The following IMPG1 variants were observed in gnomAD, a reference collection of about 807,000 sequenced individuals.
IMPG1 encodes interphotoreceptor matrix proteoglycan 1.
In IMPG1, 85 loss-of-function variants were observed where a neutral mutation model predicts 92.0. The observed-to-expected ratio is 0.92, with a 90% CI of 0.78 to 1.11. The LOEUF is 1.11. Among genes scored for constraint, IMPG1 ranks in the 50% least tolerant of loss-of-function variants. The probability of loss-of-function intolerance (pLI) is 0.00; values close to 1 mark genes in which losing one functional copy is unlikely to be tolerated. For missense variants in IMPG1, 1,022 were observed against 956.0 expected (o/e 1.07, Z -0.91); for synonymous variants, 367 against 334.1 (o/e 1.10, Z -1.08).
chr6:76,024,433 C>G (rs1397347511), intron 5 of IMPG1, among the ~76,000 whole-genome samples: 1 of 151,996 alleles, frequency 6.6e-6, no homozygotes, highest in Non-Finnish European at 1.5e-5. Context: ...TAGAAATATA[C>G]ATGAAAGAGA....
rs1270617353 is a variant in IMPG1, at chr6:76,022,177, T to C, written c.605A>G (p.Asp202Gly). ...GAGAATTTCATTGAGGAGGGTGTCATCAGGAGTGAGAGGGAAAGGCCCAAG... is the reference window on the plus strand; with the variant it reads ...GAGAATTTCATTGAGGAGGGTGTCACCAGGAGTGAGAGGGAAAGGCCCAAG... Reference protein sequence around the residue: ...VSLGPFPLTPDDTLLNEILDN... With the variant: ...VSLGPFPLTPGDTLLNEILDN... Residue 202 changes from aspartate to glycine, a missense_variant, in exon 6 of 17, where the codon GAT becomes GGT. Physicochemically the swap from Asp to Gly is moderately conservative, Grantham distance 94. Around this residue, in one of 3 missense-constraint regions of IMPG1, gnomAD observed 681 missense variants for 583.6 expected, o/e 1.17. Transcript: ENST00000369950. The C allele has an allele frequency of 1.9e-6, 3 of 1,597,678 alleles. No homozygotes were observed. Among genetic ancestry groups the C allele is most frequent in the African/African-American group, 2.7e-5 (2 of 74,384 alleles).
rs575934089 is a variant in IMPG1 at position 76,045,008 on chromosome 6, A to G, written c.68-2882T>C. Among the ~76,000 whole-genome samples the G allele has an allele frequency of 6.4e-4, 97 of 152,322 alleles. 2 individuals are homozygous for G. In the South Asian group the frequency reaches 0.012, roughly 18 times the overall value. Reference sequence around the variant, plus strand: ...CTTTTCCCTTTCCCCTACTAGGGTCAGTATTTCCCTATTCTCCACATGTCA... The same window carrying G: ...CTTTTCCCTTTCCCCTACTAGGGTCGGTATTTCCCTATTCTCCACATGTCA... On this transcript the variant is annotated intron_variant, in intron 1 of 16. Coordinates refer to ENST00000369950, the MANE Select transcript of IMPG1 (RefSeq NM_001563.4).
At chr6:76,071,081 C>T (rs1026805892) in intron 1 of IMPG1, among the ~76,000 whole-genome samples, 1 of 149,922 alleles carries the variant, frequency 6.7e-6, no homozygotes, top group Non-Finnish European at 1.5e-5. Context: ...TATTTCATTT[C>T]AATTCCTATA....
At chr6:76,066,141 G>C (rs375421807) in intron 1 of IMPG1, among the ~76,000 whole-genome samples, 1 of 152,052 alleles carries the variant, frequency 6.6e-6, no homozygotes, top group South Asian at 2.1e-4. Context: ...TACAATACAG[G>C]TGTTATAAAA....
At chr6:76,030,643 A>C (rs974422159) in intron 4 of IMPG1, among the ~76,000 whole-genome samples, 4 of 152,190 alleles carry the variant, frequency 2.6e-5, no homozygotes, top group African/African-American at 9.6e-5. Flanking sequence ...AAAAAGGGCC[A>C]TCAGACTCCA....
At chr6:76,050,194 C>T (rs771513456) in intron 1 of IMPG1, among the ~76,000 whole-genome samples, 32 of 152,248 alleles carry the variant, frequency 2.1e-4, no homozygotes, top group Non-Finnish European at 3.5e-4. Context: ...AATCCCAGCA[C>T]TTTGGGAGGC....
intron 12 of IMPG1, among the ~76,000 whole-genome samples, chr6:75,955,062 G>A (rs1435588323): frequency 6.6e-6 from 1 of 152,068 alleles, no homozygotes; most frequent in Non-Finnish European, 1.5e-5. Flanking sequence ...TTCCAGCTTT[G>A]TTCTTTTTGC....
Position 75,950,747 on chromosome 6 carries a change from A to G in IMPG1, c.1639T>C (p.Leu547=), listed in dbSNP as rs1292015420. The change falls in exon 13 of 17, where the codon TTG becomes CTG. Residue 547 remains leucine, a synonymous_variant. Transcript: ENST00000369950. The stretch of plus-strand genomic sequence containing the variant: ...GCTGAGACAGGAGTGGTATCCTCCA[A>G]GAAATGATCTGGGACAGAAACATAT... ...SEYVSVPDHF[L]EDTTPVSALQ... The G allele has an allele frequency of 6.2e-7, 1 of 1,614,018 alleles. No homozygotes were observed. Among genetic ancestry groups the G allele is most frequent in the Admixed American group, 1.7e-5 (1 of 59,970 alleles).
chr6:76,048,083 C>T (rs1783976391), intron 1 of IMPG1, among the ~76,000 whole-genome samples: 1 of 152,058 alleles, frequency 6.6e-6, no homozygotes, highest in Non-Finnish European at 1.5e-5. Flanking sequence ...ATCATTATTA[C>T]CTGGCTCTTG....
At chr6:76,063,577 C>T (rs1234466471) in intron 1 of IMPG1, among the ~76,000 whole-genome samples, 4 of 152,304 alleles carry the variant, frequency 2.6e-5, no homozygotes, top group African/African-American at 7.2e-5. Context: ...CACTAGTATA[C>T]CAGCATGTAC....
At chr6:75,984,580 G>A (rs1357879193) in intron 12 of IMPG1, among the ~76,000 whole-genome samples, 2 of 152,138 alleles carry the variant, frequency 1.3e-5, no homozygotes, top group African/African-American at 4.8e-5. Context: ...GCAAAATAAT[G>A]CATATGTTAA....
intron 12 of IMPG1, among the ~76,000 whole-genome samples, chr6:75,974,401 T>TTTTCTTTCC (rs1782492616): frequency 1.1e-5 from 1 of 92,800 alleles, no homozygotes; most frequent in Non-Finnish European, 2.2e-5. Flanking sequence ...CTTTTCTTTC[T>TTTTCTTTCC]TTCCTTCCTT....
At chr6:75,943,219 T>C (rs2149454634) in intron 14 of IMPG1, among the ~76,000 whole-genome samples, 1 of 152,298 alleles carries the variant, frequency 6.6e-6, no homozygotes, top group African/African-American at 2.4e-5. Flanking sequence ...TGGTAGCTCG[T>C]ACTGCTGTGT....
At chr6:75,991,376 G>A (rs531097280) in intron 12 of IMPG1, among the ~76,000 whole-genome samples, 1 of 151,120 alleles carries the variant, frequency 6.6e-6, no homozygotes, top group South Asian at 2.1e-4. Flanking sequence ...GGGTGACAGA[G>A]CAAGACTCTG....
At chr6:75,951,123 C>T (rs369827470) in intron 12 of IMPG1, 29 bp from the exon 13 acceptor site, 365 of 1,498,660 alleles carry the variant, frequency 2.4e-4, no homozygotes, top group Non-Finnish European at 3.2e-4. Context: ...TTCATTATGT[C>T]CAAGTATTCC....
chr6:75,993,463 GGAGAGAGAGAAA>G (rs1309420183), intron 12 of IMPG1, among the ~76,000 whole-genome samples: 3 of 151,370 alleles, frequency 2.0e-5, no homozygotes, highest in Non-Finnish European at 2.9e-5. Flanking sequence ...TGGCGGAAAA[GGAGAGAGAGAAA>G]GAGAGAGAGA....
Position 75,965,523 on chromosome 6 carries a change from A to C in IMPG1, c.1292-14429T>G, listed in dbSNP as rs190547747. Among the ~76,000 whole-genome samples the C allele has an allele frequency of 3.8e-4, 57 of 151,922 alleles. 1 individual carries two copies. In the Middle Eastern group the frequency reaches 0.01, roughly 27 times the overall value. ...TAAAATGTCCCTCCCTATTTGGTAA[A>C]ATGTCCATTCTTATCTTTTGCTCAT... On this transcript the variant is annotated intron_variant, in intron 12 of 16. Coordinates refer to ENST00000369950, the MANE Select transcript of IMPG1 (RefSeq NM_001563.4).
chr6:75,948,452 T>G (rs1370309792), intron 13 of IMPG1, among the ~76,000 whole-genome samples: 1 of 152,168 alleles, frequency 6.6e-6, no homozygotes, highest in Non-Finnish European at 1.5e-5. Flanking sequence ...CCACACCTCC[T>G]TTTTATTTGC....
At chr6:76,042,243 CT>C in intron 1 of IMPG1, 117 bp from the exon 2 acceptor site, 1 of 658,668 alleles carries the variant, frequency 1.5e-6, no homozygotes, top group Non-Finnish European at 2.7e-6. Context: ...TATGAAATTT[CT>C]ACCGTGGTGC....
Sources: gnomAD v4.1 joint callset for allele counts (sites outside exome capture counted in the v4.1 genomes callset) on GRCh38, gnomAD v4.1.1 for gene constraint, gnomAD v4.1.1 regional missense constraint, MANE v1.5 for transcripts, NCBI Gene and HGNC (gene_info 2026-07-23, HGNC 2026-07-21) for gene names.